Variants in FBP1 observed in about 807,000 individuals in gnomAD.
The protein encoded by FBP1 is fructose-1,6-bisphosphatase 1.
FBP1 carries 22 observed loss-of-function variants against 29.9 expected under a neutral mutation model. The ratio of observed to expected loss-of-function variants is 0.74; its 90% CI spans 0.53 to 1.05. The LOEUF is 1.05. Among genes scored for constraint, FBP1 ranks in the 50% least tolerant of loss-of-function variants. The pLI, the probability that FBP1 is intolerant of heterozygous loss-of-function variation, is 0.00. For synonymous variants in FBP1, 175 were observed against 178.6 expected, an observed-to-expected ratio of 0.98 and a Z score of 0.16; for missense variants, 345 against 448.2, an observed-to-expected ratio of 0.77 and a Z score of 2.08.
intron 1 of FBP1, among the ~76,000 whole-genome samples, chr9:94,632,471 C>A (rs1478262641): frequency 6.6e-6 from 1 of 152,150 alleles, no homozygotes; most frequent in African/African-American, 2.4e-5. Context: ...AGTTCAAGAC[C>A]AGACTGGCCA....
chr9:94,620,721 C>T (rs930354483), intron 1 of FBP1, among the ~76,000 whole-genome samples: 6 of 152,252 alleles, frequency 3.9e-5, no homozygotes, highest in African/African-American at 1.4e-4. Flanking sequence ...AATGAGAACA[C>T]ATAGACACAG....
intron 1 of FBP1, among the ~76,000 whole-genome samples, chr9:94,624,709 A>C (rs1335353637): frequency 5.3e-5 from 8 of 152,242 alleles, no homozygotes; most frequent in Admixed American, 5.2e-4. Flanking sequence ...AAAGAAGCCC[A>C]AATAAGTCAG....
chr9:94,615,706 G>A (rs941232484), intron 3 of FBP1, among the ~76,000 whole-genome samples: 1 of 152,030 alleles, frequency 6.6e-6, no homozygotes, highest in African/African-American at 2.4e-5. Context: ...AGCAAAATAC[G>A]TTCCAATGAC....
intron 3 of FBP1, among the ~76,000 whole-genome samples, chr9:94,613,433 A>T (rs12238876): frequency 0.36 from 55,499 of 152,084 alleles, 10,340 homozygotes; most frequent in East Asian, 0.55. Flanking sequence ...GTTACCCAGC[A>T]TTGCAGGAGA....
At chr9:94,609,261 T>C (rs1201823235) in intron 4 of FBP1, among the ~76,000 whole-genome samples, 1 of 151,492 alleles carries the variant, frequency 6.6e-6, no homozygotes, top group Non-Finnish European at 1.5e-5. Flanking sequence ...CACGAATAAA[T>C]GTGGGAGCTA....
chr9:94,616,232 A>G (rs1793785490), intron 3 of FBP1, among the ~76,000 whole-genome samples: 1 of 152,118 alleles, frequency 6.6e-6, no homozygotes, highest in Non-Finnish European at 1.5e-5. Flanking sequence ...TTCTGAAATA[A>G]ACAAGAGCTG....
At chr9:94,638,542 G>A (rs1828229733) in intron 1 of FBP1, among the ~76,000 whole-genome samples, 1 of 152,090 alleles carries the variant, frequency 6.6e-6, no homozygotes, top group African/African-American at 2.4e-5. Flanking sequence ...CCCAGCAAGG[G>A]GCAGCCCACG....
intron 3 of FBP1, among the ~76,000 whole-genome samples, chr9:94,614,312 G>C (rs1002135512): frequency 6.6e-6 from 1 of 151,494 alleles, no homozygotes; most frequent in Non-Finnish European, 1.5e-5. Flanking sequence ...AGGCCGAGGT[G>C]GGCGGATCAC....
chr9:94,611,614 C>T (rs1303061973), intron 3 of FBP1, among the ~76,000 whole-genome samples: 1 of 152,018 alleles, frequency 6.6e-6, no homozygotes. Flanking sequence ...TTTTAATTAG[C>T]CAGGCATGGT....
intron 3 of FBP1, among the ~76,000 whole-genome samples, chr9:94,617,316 T>C (rs1344459662): frequency 3.3e-5 from 5 of 152,256 alleles, no homozygotes; most frequent in African/African-American, 4.8e-5. Context: ...TATTCTTTGT[T>C]CACAGGCTGT....
At position 94,639,218 on chromosome 9, in the gene FBP1, C is replaced by T; in HGVS notation, c.93G>A (p.Leu31=). 1 of 1,600,884 alleles carries T rather than the reference C, an allele frequency of 6.2e-7. No individual in the cohort carries two copies. Among genetic ancestry groups the T allele is most frequent in the Non-Finnish European group, 8.5e-7 (1 of 1,174,164 alleles). The change falls in exon 1 of 7, where the codon TTG becomes TTA. Residue 31 remains leucine, a synonymous_variant. Transcript: ENST00000375326. ...EGRKARGTGE[L]TQLLNSLCTA... is the part of the protein sequence containing the mutation. ...TGCAGAGCGAGTTGAGCAGCTGGGT[C>T]AACTCGCCCGTGCCGCGGGCCTTCC...
At chr9:94,614,225 A>G (rs1162242007) in intron 3 of FBP1, among the ~76,000 whole-genome samples, 1 of 147,452 alleles carries the variant, frequency 6.8e-6, no homozygotes, top group Non-Finnish European at 1.5e-5. Flanking sequence ...GGGGAGGGAC[A>G]GGGAGAAGAA....
intron 1 of FBP1, among the ~76,000 whole-genome samples, chr9:94,629,230 T>C (rs978401930): frequency 3.9e-5 from 6 of 152,212 alleles, no homozygotes; most frequent in African/African-American, 1.4e-4. Context: ...TCCGCCCATC[T>C]TGGCCTCCCA....
intron 1 of FBP1, among the ~76,000 whole-genome samples, chr9:94,633,387 A>C (rs554387003): frequency 6.6e-6 from 1 of 152,264 alleles, no homozygotes; most frequent in Admixed American, 6.5e-5. Context: ...TGCCCCACTC[A>C]AAAAACTTTC....
At chr9:94,611,747 C>T (rs915814000) in intron 3 of FBP1, among the ~76,000 whole-genome samples, 3 of 152,110 alleles carry the variant, frequency 2.0e-5, no homozygotes, top group Admixed American at 6.6e-5. Flanking sequence ...TGAGAACCTG[C>T]CTCTTTAAGA....
At chr9:94,613,764 C>CAA (rs35925714) in intron 3 of FBP1, among the ~76,000 whole-genome samples, 5 of 134,870 alleles carry the variant, frequency 3.7e-5, no homozygotes, top group East Asian at 2.1e-4. Flanking sequence ...GACCTTGTCT[C>CAA]AAAAAAAAGA....
chr9:94,617,319 C>T (rs1471016781), intron 3 of FBP1, among the ~76,000 whole-genome samples: 3 of 152,174 alleles, frequency 2.0e-5, no homozygotes, highest in East Asian at 3.8e-4. Context: ...TCTTTGTTCA[C>T]AGGCTGTACA....
intron 3 of FBP1, among the ~76,000 whole-genome samples, chr9:94,613,962 T>A (rs1587857154): frequency 6.7e-6 from 1 of 149,358 alleles, no homozygotes; most frequent in East Asian, 2.0e-4. Context: ...GCGCCTGTAG[T>A]CCCAGCTACT....
Position 94,613,125 on chromosome 9 carries a change from C to T in FBP1, c.427-3064G>A, listed in dbSNP as rs1017678697. On this transcript the variant is annotated intron_variant, in intron 3 of 6. Transcript: ENST00000375326. Reference sequence around the variant, plus strand: ...TGTCACGTCCACAGTGGTCTTTCCTCGGAGCAGAAACCAAACCCTACTTTT... The same window carrying T: ...TGTCACGTCCACAGTGGTCTTTCCTTGGAGCAGAAACCAAACCCTACTTTT... Among the ~76,000 whole-genome samples the T allele has an allele frequency of 3.3e-5, 5 of 152,098 alleles. No individual in the cohort carries two copies. In the East Asian group the frequency reaches 7.7e-4, roughly 23 times the overall value.
Sources: gnomAD v4.1 joint callset for allele counts (sites outside exome capture counted in the v4.1 genomes callset) on GRCh38, gnomAD v4.1.1 for gene constraint, MANE v1.5 for transcripts, NCBI Gene and HGNC (gene_info 2026-07-23, HGNC 2026-07-21) for gene names.